VRK2: variants seen among roughly 807,000 people sequenced by gnomAD.
VRK2 encodes serine/threonine-protein kinase VRK2.
A neutral mutation model predicts 57.6 loss-of-function variants in VRK2; 60 were observed. The observed-to-expected ratio is 1.04, with a 90% CI of 0.85 to 1.29. VRK2 has a LOEUF of 1.29. VRK2 is among the 50% of genes most tolerant of loss of function. VRK2 has a pLI of 0.00. For synonymous variants in VRK2, 231 were observed against 199.2 expected (o/e 1.16, Z -1.35); for missense variants, 705 against 588.1 (o/e 1.20, Z -2.06).
At chr2:58,039,671 T>C (rs957462465) in intron 3 of VRK2, among the ~76,000 whole-genome samples, 3 of 152,090 alleles carry the variant, frequency 2.0e-5, no homozygotes, top group African/African-American at 7.2e-5. Context: ...TGTTATACTG[T>C]TAATTGAAAA....
intron 2 of VRK2, chr2:58,026,612 C>T (rs1265992678): frequency 6.6e-6 from 1 of 152,016 alleles, no homozygotes; most frequent in Non-Finnish European, 1.5e-5. Context: ...GAATAAAGTA[C>T]CATTTAATAA....
At chr2:57,967,464 G>A (rs1434178289) in intron 1 of VRK2, among the ~76,000 whole-genome samples, 1 of 151,902 alleles carries the variant, frequency 6.6e-6, no homozygotes, top group Non-Finnish European at 1.5e-5. Flanking sequence ...TCCATGGGTG[G>A]TTTTTAACAT....
At chr2:58,026,236 GTC>G (rs536112373) in intron 2 of VRK2, among the ~76,000 whole-genome samples, 68 of 152,138 alleles carry the variant, frequency 4.5e-4, no homozygotes, top group African/African-American at 1.6e-3. Context: ...TTATTGGAAT[GTC>G]TGTTACCTAA....
intron 1 of VRK2, among the ~76,000 whole-genome samples, chr2:57,939,914 A>AATT (rs1464606001): frequency 6.6e-6 from 1 of 152,206 alleles, no homozygotes; most frequent in African/African-American, 2.4e-5. Flanking sequence ...CAGTTTCATT[A>AATT]ATTAGTAAAG....
At chr2:58,159,902 T>C (rs369523860), downstream of VRK2, 9 of 1,556,128 alleles carry the variant, frequency 5.8e-6, no homozygotes, top group African/African-American at 5.5e-5. Flanking sequence ...ATAGTACAGT[T>C]TGGAAAACAC....
chr2:58,146,452 T>C lies in VRK2; in HGVS notation c.1160T>C (p.Leu387Ser), dbSNP rs1358146130. Residue 387 changes from leucine (L) to serine (S), a missense_variant, in exon 12 of 13, where the codon TTG becomes TCG. Coordinates refer to ENST00000340157, the MANE Select transcript of VRK2 (RefSeq NM_006296.7). ...CAGAAAGAGGAGAAACTGATTGGAT[T>C]GATGAACAATGAAGCAGCTCAGGTG... ...KVQKEEKLIGLMNNEAAQEST... is the reference protein window; with the variant it reads ...KVQKEEKLIGSMNNEAAQEST... 1 of 1,610,586 alleles carries C rather than the reference T, an allele frequency of 6.2e-7. No homozygotes were observed. Among genetic ancestry groups the C allele is most frequent in the Admixed American group, 1.7e-5 (1 of 59,766 alleles).
At chr2:58,068,818 A>C (rs1213689134) in intron 2 of VRK2, among the ~76,000 whole-genome samples, 1 of 150,976 alleles carries the variant, frequency 6.6e-6, no homozygotes, top group Admixed American at 6.6e-5. Flanking sequence ...CAGGAAAAAA[A>C]AAAAAAAAAA....
chr2:58,022,679 C>T (rs1034044397), intron 1 of VRK2, among the ~76,000 whole-genome samples: 1 of 152,122 alleles, frequency 6.6e-6, no homozygotes, highest in East Asian at 1.9e-4. Flanking sequence ...AGTTTGAGAC[C>T]AGCCCAGGCA....
At chr2:58,008,334 A>G (rs2103641006) in intron 1 of VRK2, among the ~76,000 whole-genome samples, 1 of 152,216 alleles carries the variant, frequency 6.6e-6, no homozygotes, top group South Asian at 2.1e-4. Context: ...TTCATATTAT[A>G]GAAAAAACAG....
At chr2:58,038,721 C>T (rs1179151416) in intron 3 of VRK2, among the ~76,000 whole-genome samples, 1 of 152,050 alleles carries the variant, frequency 6.6e-6, no homozygotes, top group Non-Finnish European at 1.5e-5. Flanking sequence ...ACAAGTCTAA[C>T]TTCTTTGAGT....
At chr2:57,975,609 T>G (rs947854488) in intron 1 of VRK2, among the ~76,000 whole-genome samples, 1 of 151,950 alleles carries the variant, frequency 6.6e-6, no homozygotes, top group East Asian at 1.9e-4. Context: ...ACTGCAAACA[T>G]AGCACCCAGT....
At chr2:58,058,446 C>T (rs996520259) in intron 2 of VRK2, 3 of 469,996 alleles carry the variant, frequency 6.4e-6, no homozygotes, top group Admixed American at 4.7e-5. Context: ...GAAGCTTCGA[C>T]ATGTGTGAAA....
intron 2 of VRK2, among the ~76,000 whole-genome samples, chr2:58,062,851 A>G (rs1340027744): frequency 6.6e-6 from 1 of 152,128 alleles, no homozygotes; most frequent in Admixed American, 6.6e-5. Flanking sequence ...CAGAAGTTCT[A>G]GCTGAGATCA....
intron 2 of VRK2, among the ~76,000 whole-genome samples, chr2:58,067,484 C>G (rs1243177753): frequency 6.6e-6 from 1 of 152,082 alleles, no homozygotes. Flanking sequence ...GTGATAGTCT[C>G]TCATTTTTGA....
At chr2:58,015,309 T>C (rs1572782242) in intron 1 of VRK2, among the ~76,000 whole-genome samples, 1 of 152,214 alleles carries the variant, frequency 6.6e-6, no homozygotes, top group Non-Finnish European at 1.5e-5. Flanking sequence ...TAATTATTAA[T>C]TAACATTGTT....
At chr2:58,139,971 C>T (rs1034549042) in intron 11 of VRK2, 139 bp downstream of exon 11, 28 of 872,728 alleles carry the variant, frequency 3.2e-5, no homozygotes, top group African/African-American at 1.4e-4. Context: ...TAACTCAGCA[C>T]CAAGAAAGTT....
chr2:58,139,898 GT>G, intron 11 of VRK2, 66 bp downstream of exon 11: 1 of 1,481,718 alleles, frequency 6.7e-7, no homozygotes, highest in Non-Finnish European at 9.1e-7. Context: ...GAATGAAATT[GT>G]TTTAGGTCTC....
At chr2:58,019,703 G>A (rs1035789224) in intron 1 of VRK2, among the ~76,000 whole-genome samples, 1 of 152,282 alleles carries the variant, frequency 6.6e-6, no homozygotes, top group Admixed American at 6.5e-5. Context: ...CTGAATTTCT[G>A]TAGATGACCA....
At chr2:58,018,712 T>C (rs1673659731) in intron 1 of VRK2, among the ~76,000 whole-genome samples, 1 of 152,226 alleles carries the variant, frequency 6.6e-6, no homozygotes, top group African/African-American at 2.4e-5. Context: ...ATAGTAGCGA[T>C]ACAGTATGGC....
Sources: gnomAD v4.1 joint callset for allele counts (sites outside exome capture counted in the v4.1 genomes callset) on GRCh38, gnomAD v4.1.1 for gene constraint, MANE v1.5 for transcripts, NCBI Gene and HGNC (gene_info 2026-07-23, HGNC 2026-07-21) for gene names.